Variants in SPC25 observed in about 807,000 individuals in gnomAD.
SPC25 encodes kinetochore protein Spc25.
A neutral mutation model predicts 29.6 loss-of-function variants in SPC25; 22 were observed. The observed-to-expected ratio is 0.74, with a 90% CI of 0.53 to 1.06. The LOEUF (loss-of-function observed/expected upper bound fraction) is 1.06. SPC25 is among the 50% of genes least tolerant of loss of function. SPC25 has a pLI of 0.00. For synonymous variants in SPC25, 91 were observed against 90.4 expected, an observed-to-expected ratio of 1.01 and a Z score of -0.04; for missense variants, 230 against 255.8, an observed-to-expected ratio of 0.90 and a Z score of 0.69.
intron 5 of SPC25, among the ~76,000 whole-genome samples, chr2:168,875,622 A>C (rs1690071554): frequency 6.6e-6 from 1 of 152,176 alleles, no homozygotes; most frequent in Non-Finnish European, 1.5e-5. Flanking sequence ...AGAAACCGTG[A>C]ATAAGTGGGG....
intron 4 of SPC25, among the ~76,000 whole-genome samples, chr2:168,863,909 CTTTTTTTATT>C (rs1361732267): frequency 6.6e-6 from 1 of 151,514 alleles, no homozygotes; most frequent in Non-Finnish European, 1.5e-5. Flanking sequence ...CCAACGTGAT[CTTTTTTTATT>C]TTTTTTTTTG....
At chr2:168,865,658 T>G (rs1689821710) in intron 4 of SPC25, 1 of 152,126 alleles carries the variant, frequency 6.6e-6, no homozygotes, top group African/African-American at 2.4e-5. Flanking sequence ...GGCATTCAAT[T>G]AGGAAAAGAG....
intron 3 of SPC25, among the ~76,000 whole-genome samples, chr2:168,878,127 A>C (rs760800724): frequency 5.9e-5 from 9 of 152,230 alleles, no homozygotes; most frequent in Non-Finnish European, 1.2e-4. Context: ...GGGCAGGCAA[A>C]GCTTACAATG....
chr2:168,881,344 A>G (rs1273410827), intron 3 of SPC25, among the ~76,000 whole-genome samples: 1 of 152,158 alleles, frequency 6.6e-6, no homozygotes, highest in Non-Finnish European at 1.5e-5. Flanking sequence ...AAAAACAACA[A>G]TGCCTGTGCA....
chr2:168,880,251 G>A (rs561267113), intron 3 of SPC25, among the ~76,000 whole-genome samples: 6 of 152,244 alleles, frequency 3.9e-5, no homozygotes, highest in Admixed American at 1.3e-4. Flanking sequence ...TCAAAAATCC[G>A]TTCTTTAATG....
At chr2:168,882,821 T>C (rs971000878) in intron 3 of SPC25, among the ~76,000 whole-genome samples, 3 of 152,136 alleles carry the variant, frequency 2.0e-5, no homozygotes, top group Admixed American at 1.3e-4. Flanking sequence ...ATATGAAAGA[T>C]AATTTAACCT....
chr2:168,861,982 C>CA, intron 4 of SPC25: 1 of 1,614,212 alleles, frequency 6.2e-7, no homozygotes, highest in Non-Finnish European at 8.5e-7. Context: ...CCCAGCTCAG[C>CA]AGCAGACTTT....
intron 4 of SPC25, among the ~76,000 whole-genome samples, chr2:168,864,159 G>A (rs1054651530): frequency 1.3e-5 from 2 of 151,940 alleles, no homozygotes; most frequent in African/African-American, 2.4e-5. Context: ...GTAGAGACGG[G>A]GTTTCACCAT....
chr2:168,882,860 C>G (rs1277834703), intron 3 of SPC25, among the ~76,000 whole-genome samples: 2 of 151,994 alleles, frequency 1.3e-5, no homozygotes, highest in Admixed American at 1.3e-4. Context: ...GCAAGTAAAA[C>G]AGTAAGATTT....
intron 4 of SPC25, among the ~76,000 whole-genome samples, chr2:168,864,302 A>G (rs1318146686): frequency 2.1e-5 from 3 of 144,206 alleles, no homozygotes; most frequent in Admixed American, 7.0e-5. Flanking sequence ...TTTTTCTGAG[A>G]CAGAGTCTTG....
In SPC25 at chr2:168,889,493, G is replaced by C; in HGVS notation, c.27C>G (p.Phe9Leu). 6.2e-7 allele frequency: 1 copy of C among 1,613,688 alleles called. No homozygotes were observed. Among genetic ancestry groups the C allele is most frequent in the Middle Eastern group, 1.6e-4 (1 of 6,062 alleles). MVEDELAL[F>L]DKSINEFWNK... ...TCCAAAATTCATTTATGCTTTTATC[G>C]AAAAGTGCCAGTTCGTCCTCTACCA... The change falls in exon 2 of 7, where the codon TTC becomes TTG. Residue 9 changes from phenylalanine to leucine, a missense_variant. By Grantham distance (22) the Phe-to-Leu change is conservative. Coordinates refer to ENST00000282074, the MANE Select transcript of SPC25 (RefSeq NM_020675.4).
chr2:168,864,885 C>A (rs756522311), intron 4 of SPC25: 3 of 1,613,970 alleles, frequency 1.9e-6, no homozygotes, highest in Admixed American at 3.3e-5. Flanking sequence ...TGGTTTGGAT[C>A]TTTGAATGGG....
intron 1 of SPC25, 51 bp from the exon 2 acceptor site, chr2:168,889,584 C>T (rs915843240): frequency 7.1e-6 from 11 of 1,540,064 alleles, no homozygotes; most frequent in Non-Finnish European, 8.8e-6. Context: ...ATCAAATCAC[C>T]CACATATTCC....
chr2:168,867,594 G>C (rs999687106), downstream of SPC25, among the ~76,000 whole-genome samples: 90 of 152,270 alleles, frequency 5.9e-4, no homozygotes, highest in Non-Finnish European at 1.0e-3. Flanking sequence ...TCCTAGTCTC[G>C]AATAAAACAG....
intron 3 of SPC25, among the ~76,000 whole-genome samples, chr2:168,883,224 A>G (rs1326693130): frequency 2.0e-5 from 3 of 152,154 alleles, no homozygotes. Context: ...TTGAAAAAAA[A>G]AGATAGTTAT....
chr2:168,869,848 A>G (rs1052163854), downstream of SPC25, among the ~76,000 whole-genome samples: 2 of 152,114 alleles, frequency 1.3e-5, no homozygotes, highest in African/African-American at 4.8e-5. Context: ...CAGAATTGGA[A>G]AAAACTACTT....
chr2:168,880,778 G>C (rs1003213638), intron 3 of SPC25, among the ~76,000 whole-genome samples: 2 of 152,180 alleles, frequency 1.3e-5, no homozygotes, highest in Non-Finnish European at 2.9e-5. Flanking sequence ...GGAGACTAGG[G>C]AGGCCCAAGG....
intron 3 of SPC25, among the ~76,000 whole-genome samples, chr2:168,888,498 T>G (rs2105838990): frequency 6.6e-6 from 1 of 152,150 alleles, no homozygotes; most frequent in East Asian, 1.9e-4. Flanking sequence ...GAGCTTGCAG[T>G]GAGCCAAGAT....
intron 3 of SPC25, among the ~76,000 whole-genome samples, chr2:168,880,267 T>C (rs2105829565): frequency 6.6e-6 from 1 of 152,366 alleles, no homozygotes; most frequent in South Asian, 2.1e-4. Context: ...TAATGATCTG[T>C]TCATTCAATG....
Sources: gnomAD v4.1 joint callset for allele counts (sites outside exome capture counted in the v4.1 genomes callset) on GRCh38, gnomAD v4.1.1 for gene constraint, MANE v1.5 for transcripts, NCBI Gene and HGNC (gene_info 2026-07-23, HGNC 2026-07-21) for gene names.